The following CAPN12 variants were observed in gnomAD, a reference collection of about 807,000 sequenced individuals.
CAPN12 encodes calpain 12, also known as calpain-12.
A neutral mutation model predicts 95.0 loss-of-function variants in CAPN12; 107 were observed. That is an observed-to-expected ratio of 1.13 (90% CI 0.96 to 1.32). The LOEUF (loss-of-function observed/expected upper bound fraction) is 1.32, where lower values mean the gene tolerates loss of function less well. Among genes scored for constraint, CAPN12 ranks in the 40% most tolerant of loss-of-function variants. The pLI is 0.00. For synonymous variants in CAPN12, 505 were observed against 415.5 expected (o/e 1.22, Z -2.62); for missense variants, 1,136 against 997.8 (o/e 1.14, Z -1.87).
In CAPN12 at chr19:38,736,534, ACCCCATC is replaced by A; in HGVS notation, c.1374+11_1374+17del. On this transcript the variant is annotated intron_variant, in intron 11 of 20. Coordinates refer to ENST00000328867, the MANE Select transcript of CAPN12 (RefSeq NM_144691.4). The stretch of plus-strand genomic sequence containing the variant: ...GTTGACCAAGCCCCAGGGCCGGTTG[ACCCCATC>A]CCAGACTCACCTCCTCTGGAATCTG... The A allele has an allele frequency of 6.5e-7, 1 of 1,538,328 alleles. No homozygotes were observed. The highest frequency in any genetic ancestry group is 8.8e-7 in the Non-Finnish European group (1 of 1,139,998).
chr19:38,731,192 G>A lies in CAPN12; in HGVS notation c.1989C>T (p.Thr663=), dbSNP rs761216984. The change falls in exon 19 of 21, where the codon ACC becomes ACT. Residue 663 remains threonine, a synonymous_variant. Coordinates refer to ENST00000328867, the MANE Select transcript of CAPN12 (RefSeq NM_144691.4). Reference sequence around the variant, plus strand: ...GGCTATCCCGGTAGCGGCTGGTGAGGGTCTGGGTCAGCTGGTTGTTCAGGT... The same window carrying A: ...GGCTATCCCGGTAGCGGCTGGTGAGAGTCTGGGTCAGCTGGTTGTTCAGGT... ...GFHLNNQLTQ[T]LTSRYRDSRL... is the part of the protein sequence containing the mutation. 4 of 1,612,872 alleles carry A rather than the reference G, an allele frequency of 2.5e-6. No homozygotes were observed. The South Asian group carries it at 4.4e-5, about 18-fold the overall frequency.
chr19:38,738,208 C>T (rs1221073881), intron 8 of CAPN12, 65 bp downstream of exon 8: 42 of 1,525,918 alleles, frequency 2.8e-5, no homozygotes, highest in Middle Eastern at 4.7e-4. Context: ...AACTGGGGCT[C>T]GCCCTCCCTG....
rs544336541 is a variant in CAPN12 at position 38,743,142 on chromosome 19, G to T, written c.238-40C>A. On this transcript the variant is annotated intron_variant, in intron 1 of 20. Coordinates refer to ENST00000328867, the MANE Select transcript of CAPN12 (RefSeq NM_144691.4). Reference sequence around the variant, plus strand: ...GGATTCCAGGCCTCAGCCTGAGAAAGCGAGGAAAGGTCTCATCCAGAGGAG... The same window carrying T: ...GGATTCCAGGCCTCAGCCTGAGAAATCGAGGAAAGGTCTCATCCAGAGGAG... The T allele has an allele frequency of 2.5e-6, 4 of 1,611,396 alleles. No individual in the cohort carries two copies. In the African/African-American group the frequency reaches 4.0e-5, roughly 16 times the overall value.
In CAPN12 at chr19:38,730,683, G is replaced by A; in HGVS notation, c.*169C>T. 1.4e-6 allele frequency: 1 copy of A among 721,040 alleles called. No individual in the cohort carries two copies. Among genetic ancestry groups the A allele is most frequent in the East Asian group, 2.7e-5 (1 of 37,040 alleles). The allele number at this position is 721,040 out of a possible 1,614,324, so 44.7% of individuals were successfully genotyped here. ...GCTGTCGCTGTTCTTGTTTCTGAGT[G>A]AGGAGTACGCAGGCCAGAGTGGTCA... On this transcript the variant is annotated 3_prime_UTR_variant, in exon 21 of 21. Transcript: ENST00000328867.
intron 5 of CAPN12, chr19:38,739,519 AAG>A (rs144778013): frequency 6.6e-6 from 1 of 150,982 alleles, no homozygotes; most frequent in African/African-American, 2.4e-5. Flanking sequence ...AAAGATACAG[AAG>A]AGAGAAACAG....
chr19:38,737,411 G>T (rs538623605), intron 9 of CAPN12, 23 bp from the exon 10 acceptor site: 2 of 1,609,242 alleles, frequency 1.2e-6, no homozygotes, highest in South Asian at 2.2e-5. Context: ...GAAAAAAGGG[G>T]GTTTCCTAGC....
Position 38,738,315 on chromosome 19 carries a change from C to T in CAPN12, c.923G>A (p.Cys308Tyr). ...CPRWDTLPTE[C>Y]RDALLVKKED... ...CTTTTTCACCAGCAGGGCATCGCGG[C>T]ACTCGGTGGGGAGTGTGTCCCAGCG... The change falls in exon 8 of 21, where the codon TGC becomes TAC. Residue 308 changes from cysteine (C) to tyrosine (Y), a missense_variant. Physicochemically the swap from Cys to Tyr is radical, Grantham distance 194. Transcript: ENST00000328867. 1 of 1,612,114 alleles carries T rather than the reference C, an allele frequency of 6.2e-7. No homozygotes were observed. The highest frequency in any genetic ancestry group is 2.2e-5 in the East Asian group (1 of 44,878).
At position 38,740,097 on chromosome 19, in the gene CAPN12, A is replaced by C; in HGVS notation, c.683T>G (p.Leu228Arg). ...RQNSMGLFSA[L>R]RHALAKESLV... ...GGACTCCTTGGCCAGGGCATGGCGC[A>C]GGGCAGAGAACAGCCCCATGCTGTT... Residue 228 changes from leucine (L) to arginine (R), a missense_variant, in exon 5 of 21, where the codon CTG (leucine) becomes CGG (arginine). Transcript: ENST00000328867. 1 of 1,612,460 alleles carries C rather than the reference A, an allele frequency of 6.2e-7. No individual in the cohort carries two copies. The highest frequency in any genetic ancestry group is 8.5e-7 in the Non-Finnish European group (1 of 1,179,350).
chr19:38,737,456 A>G lies in CAPN12; in HGVS notation c.1129+19T>C, dbSNP rs113339426. The G allele has an allele frequency of 6.2e-7, 1 of 1,612,506 alleles. No individual in the cohort carries two copies. Among genetic ancestry groups the G allele is most frequent in the Non-Finnish European group, 8.5e-7 (1 of 1,179,792 alleles). On this transcript the variant is annotated intron_variant, in intron 9 of 20. Coordinates refer to ENST00000328867, the MANE Select transcript of CAPN12 (RefSeq NM_144691.4). ...CGCCCCCCACCCCAGGAAGCCTCTC[A>G]GGGCCCCTCAGGCCTCACCAGCATT... is the stretch of plus-strand genomic sequence containing the variant.
chr19:38,735,908 G>C (rs1388916190), intron 12 of CAPN12, among the ~76,000 whole-genome samples: 2 of 4,224 alleles, frequency 4.7e-4, no homozygotes, highest in African/African-American at 6.6e-4. Context: ...GGGGGTTCTG[G>C]GGGCGGGGCG....
rs765937575 is a variant in CAPN12 at position 38,735,522 on chromosome 19, C to G, written c.1606G>C (p.Ala536Pro). 3 of 1,610,652 alleles carry G rather than the reference C, an allele frequency of 1.9e-6. No homozygotes were observed. The Admixed American group carries it at 5.0e-5, about 27-fold the overall frequency. ...TAVEIDDVIS[A>P]DLQSLQGPYL... ...CCCACCTGGAGAGACTGCAGGTCTG[C>G]GCTGATCACGTCGTCGATCTCCCTG... The change falls in exon 13 of 21, where the codon GCA (alanine) becomes CCA (proline). Residue 536 changes from alanine to proline, a missense_variant. Transcript: ENST00000328867.
chr19:38,741,739 G>A (rs772439925), intron 4 of CAPN12, 38 bp downstream of exon 4: 5 of 1,611,012 alleles, frequency 3.1e-6, no homozygotes, highest in East Asian at 2.2e-5. Flanking sequence ...CTGCTGTGGG[G>A]ACTTAGGGCT....
intron 1 of CAPN12, among the ~76,000 whole-genome samples, chr19:38,743,658 T>C (rs56199800): frequency 9.5e-6 from 1 of 104,780 alleles, no homozygotes; most frequent in Non-Finnish European, 1.9e-5. Context: ...GAAGTCCAGG[T>C]CCAAGCCCCC....
At chr19:38,740,477 G>A (rs1599929272) in intron 4 of CAPN12, among the ~76,000 whole-genome samples, 1 of 152,228 alleles carries the variant, frequency 6.6e-6, no homozygotes, top group Middle Eastern at 3.4e-3. Context: ...GGGCCCACAG[G>A]TGCACACCAC....
chr19:38,733,284 C>G (rs1162651550), intron 18 of CAPN12: 1 of 165,440 alleles, frequency 6.0e-6, no homozygotes, highest in Non-Finnish European at 1.3e-5. Context: ...AAAATGGAGG[C>G]TCAAAGAGAT....
chr19:38,734,253 G>A (rs760197437), intron 16 of CAPN12, 49 bp from the exon 17 acceptor site: 5 of 1,608,004 alleles, frequency 3.1e-6, no homozygotes, highest in Non-Finnish European at 3.4e-6. Flanking sequence ...TCTCCAGAAG[G>A]GGAGGAGAGA....
intron 18 of CAPN12, among the ~76,000 whole-genome samples, chr19:38,731,751 A>G (rs934074828): frequency 6.6e-6 from 1 of 151,500 alleles, no homozygotes; most frequent in Non-Finnish European, 1.5e-5. Context: ...CCACACGGCC[A>G]GACAAACCCA....
rs1568768385 is a variant in CAPN12 at position 38,733,689 on chromosome 19, G to A, written c.1957+14C>T. ...GGTCCTGTCCCCACGACCACCCCAG[G>A]ACCCTGTCCACACCTGCTGCATTCA... On this transcript the variant is annotated intron_variant, in intron 18 of 20. Transcript: ENST00000328867. 1.9e-5 allele frequency: 31 copies of A among 1,612,402 alleles called. No homozygotes were observed. Among genetic ancestry groups the A allele is most frequent in the Non-Finnish European group, 2.5e-5 (30 of 1,179,136 alleles).
chr19:38,733,549 AC>A, intron 18 of CAPN12, 153 bp downstream of exon 18: 1 of 650,800 alleles, frequency 1.5e-6, no homozygotes. Flanking sequence ...TTTCAGGGTC[AC>A]CCAACCCCTG....
Sources: gnomAD v4.1 joint callset for allele counts (sites outside exome capture counted in the v4.1 genomes callset) on GRCh38, gnomAD v4.1.1 for gene constraint, MANE v1.5 for transcripts, NCBI Gene and HGNC (gene_info 2026-07-23, HGNC 2026-07-21) for gene names.